The following KRT71 variants were observed in gnomAD, a reference collection of about 807,000 sequenced individuals.
KRT71 encodes keratin, type II cytoskeletal 71.
In KRT71, 42 loss-of-function variants were observed where a neutral mutation model predicts 46.2. That is an observed-to-expected ratio of 0.91 (90% CI 0.71 to 1.18). KRT71 has a LOEUF of 1.18. Among genes scored for constraint, KRT71 ranks in the 50% most tolerant of loss-of-function variants. The pLI, the probability that KRT71 is intolerant of heterozygous loss-of-function variation, is 0.00. For missense variants in KRT71, 708 were observed against 677.9 expected, an observed-to-expected ratio of 1.04 and a Z score of -0.49; for synonymous variants, 292 against 277.8, an observed-to-expected ratio of 1.05 and a Z score of -0.51.
intron 1 of KRT71, 141 bp downstream of exon 1, chr12:52,552,496 G>T: frequency 1.2e-6 from 1 of 845,780 alleles, no homozygotes; most frequent in Non-Finnish European, 1.8e-6. Flanking sequence ...AGGTCACCCT[G>T]TTGATGGGAT....
At position 52,552,215 on chromosome 12, in the gene KRT71, G is replaced by T. The variant is rs140739358; in HGVS notation, c.441+422C>A. Among the ~76,000 whole-genome samples the T allele has an allele frequency of 1.3e-5, 2 of 152,226 alleles. 1 individual carries two copies. Among genetic ancestry groups the T allele is most frequent in the South Asian group, 4.1e-4 (2 of 4,826 alleles). On this transcript the variant is annotated intron_variant, in intron 1 of 8. Coordinates refer to ENST00000267119, the MANE Select transcript of KRT71 (RefSeq NM_033448.3). ...AATGCCCAATCAGAGGGCCTGAAGC[G>T]GCCCCTTCCTGCTGCTCCTGATCCG...
chr12:52,552,523 C>A (rs547308404), intron 1 of KRT71, 114 bp downstream of exon 1: 1 of 1,098,318 alleles, frequency 9.1e-7, no homozygotes, highest in Non-Finnish European at 1.3e-6. Context: ...ACCTTGTCCA[C>A]AGTAAAGTCT....
In KRT71 at chr12:52,552,735, G is replaced by C; in HGVS notation, c.343C>G (p.Leu115Val). The C allele has an allele frequency of 6.2e-7, 1 of 1,613,906 alleles. No individual in the cohort carries two copies. The highest frequency in any genetic ancestry group is 8.5e-7 in the Non-Finnish European group (1 of 1,179,782). The change falls in exon 1 of 9, where the codon CTC becomes GTC. Residue 115 changes from leucine (L) to valine (V), a missense_variant. By Grantham distance (32) the Leu-to-Val change is conservative. Transcript: ENST00000267119. ...ATCTCGGGGTCCAGCTCCACGTTGA[G>C]GGGGGCCAGGAGGCTCTCATTGACG... ...VTVNESLLAP[L>V]NVELDPEIQK...
chr12:52,552,487 G>T, intron 1 of KRT71, 150 bp downstream of exon 1: 1 of 781,514 alleles, frequency 1.3e-6, no homozygotes, highest in Non-Finnish European at 2.0e-6. Context: ...ACCTTACACA[G>T]GTCACCCTGT....
rs970248310 is a variant in KRT71, at chr12:52,552,731, T to C, written c.347A>G (p.Asn116Ser). Residue 116 changes from asparagine to serine, a missense_variant, in exon 1 of 9, where the codon AAC becomes AGC. Coordinates refer to ENST00000267119, the MANE Select transcript of KRT71 (RefSeq NM_033448.3). ...TVNESLLAPL[N>S]VELDPEIQKV... Reference sequence around the variant, plus strand: ...CTGGATCTCGGGGTCCAGCTCCACGTTGAGGGGGGCCAGGAGGCTCTCATT... The same window carrying C: ...CTGGATCTCGGGGTCCAGCTCCACGCTGAGGGGGGCCAGGAGGCTCTCATT... The C allele has an allele frequency of 9.9e-6, 16 of 1,614,090 alleles. No homozygotes were observed. The highest frequency in any genetic ancestry group is 2.2e-5 in the South Asian group (2 of 91,076).
chr12:52,546,425 C>T lies in KRT71; in HGVS notation c.1186G>A (p.Glu396Lys), dbSNP rs1432985088. ...ALKDARAKLD[E>K]LEGALHQAKE... ...GCCTGGTGCAGGGCGCCCTCCAGCTCGTCCAGCTTGGCCCGGGCATCCTTC... is the reference window on the plus strand; with the variant it reads ...GCCTGGTGCAGGGCGCCCTCCAGCTTGTCCAGCTTGGCCCGGGCATCCTTC... Residue 396 changes from glutamate (E) to lysine (K), a missense_variant, in exon 7 of 9, where the codon GAG (glutamate) becomes AAG (lysine). Coordinates refer to ENST00000267119, the MANE Select transcript of KRT71 (RefSeq NM_033448.3). The T allele has an allele frequency of 5.0e-6, 8 of 1,614,086 alleles. No homozygotes were observed. The highest frequency in any genetic ancestry group is 1.7e-5 in the Admixed American group (1 of 60,014).
At position 52,545,582 on chromosome 12, in the gene KRT71, G is replaced by A. The variant is rs559836264; in HGVS notation, c.1343C>T (p.Pro448Leu). 7 of 1,556,152 alleles carry A rather than the reference G, an allele frequency of 4.5e-6. No homozygotes were observed. The South Asian group carries it at 8.0e-5, about 18-fold the overall frequency. Residue 448 changes from proline (P) to leucine (L), a missense_variant, in exon 8 of 9, where the codon CCC becomes CTC. By Grantham distance (98) the Pro-to-Leu change is moderately conservative. Coordinates refer to ENST00000267119, the MANE Select transcript of KRT71 (RefSeq NM_033448.3). ...SEECRMSGEF[P>L]SPVSISIISS... ...ATACTTACAGATGCTGACAGGGGAG[G>A]GAAATTCTCCTGACATCCTATTAAG... is the stretch of plus-strand genomic sequence containing the variant.
Position 52,547,966 on chromosome 12 carries a change from A to C in KRT71, c.995T>G (p.Leu332Arg). ...GTCGTCCCCATGCCTGCCAGCTGCC[A>C]GCTGAAGCTCTTGGAACTGGGGACC... ...LYQTKFQELQ[L>R]AAGRHGDDLK... Residue 332 changes from leucine to arginine, a missense_variant, in exon 6 of 9, where the codon CTG (leucine) becomes CGG (arginine). Physicochemically the swap from Leu to Arg is moderately radical, Grantham distance 102 (BLOSUM62 -2). Coordinates refer to ENST00000267119, the MANE Select transcript of KRT71 (RefSeq NM_033448.3). 4 of 1,613,836 alleles carry C rather than the reference A, an allele frequency of 2.5e-6. No individual in the cohort carries two copies. Among genetic ancestry groups the C allele is most frequent in the Non-Finnish European group, 3.4e-6 (4 of 1,179,930 alleles).
At chr12:52,549,744 A>T (rs764771268) in intron 2 of KRT71, among the ~76,000 whole-genome samples, 1 of 152,144 alleles carries the variant, frequency 6.6e-6, no homozygotes, top group Non-Finnish European at 1.5e-5. Context: ...CTCCTCTTAC[A>T]TGGGAGGAGA....
rs140270040 is a variant in KRT71 at position 52,552,654 on chromosome 12, C to A, written c.424G>T (p.Ala142Ser). 1.1e-5 allele frequency: 17 copies of A among 1,611,132 alleles called. No homozygotes were observed. Among genetic ancestry groups the A allele is most frequent in the Non-Finnish European group, 1.4e-5 (16 of 1,178,586 alleles). Residue 142 changes from alanine to serine, a missense_variant, in exon 1 of 9, where the codon GCC becomes TCC. Physicochemically the swap from Ala to Ser is moderately conservative, Grantham distance 99. Transcript: ENST00000267119. Reference protein sequence around the residue: ...EQIKALNNKFASFIDKVRFLE... With the variant: ...EQIKALNNKFSSFIDKVRFLE... ...AGACCCACCTTGTCGATGAAGGAGG[C>A]GAACTTGTTGTTCAGAGCCTTGATC...
intron 1 of KRT71, 68 bp from the exon 2 acceptor site, chr12:52,550,311 T>C: frequency 6.4e-7 from 1 of 1,572,640 alleles, no homozygotes; most frequent in Non-Finnish European, 8.7e-7. Flanking sequence ...TCACAGGGCA[T>C]TGTGTAAAGC....
In KRT71 at chr12:52,550,691, G is replaced by A. The variant is rs188191745; in HGVS notation, c.442-448C>T. Among the ~76,000 whole-genome samples the A allele has an allele frequency of 3.9e-5, 6 of 152,326 alleles. No homozygotes were observed. The East Asian group carries it at 7.7e-4, about 20-fold the overall frequency. On this transcript the variant is annotated intron_variant, in intron 1 of 8. Coordinates refer to ENST00000267119, the MANE Select transcript of KRT71 (RefSeq NM_033448.3). ...GGCTTCTAGGTATTTTAAATGCCTG[G>A]AGCAGGCACCAGCTTCATCTTTGCT...
At chr12:52,549,698 C>T (rs1400119633) in intron 2 of KRT71, among the ~76,000 whole-genome samples, 1 of 152,140 alleles carries the variant, frequency 6.6e-6, no homozygotes, top group Non-Finnish European at 1.5e-5. Context: ...CCTCAGTTAC[C>T]CTTGAGAGCA....
In KRT71 at chr12:52,546,482, C is replaced by T. The variant is rs762028080; in HGVS notation, c.1129G>A (p.Ala377Thr). Residue 377 changes from alanine (A) to threonine (T), a missense_variant, in exon 7 of 9, where the codon GCT (alanine) becomes ACT (threonine). Ala to Thr is a moderately conservative substitution (Grantham distance 58, BLOSUM62 0). Coordinates refer to ENST00000267119, the MANE Select transcript of KRT71 (RefSeq NM_033448.3). ...KQASNLETAI[A>T]DAEQRGDNAL... Reference sequence around the variant, plus strand: ...TTGTCTCCCCGCTGCTCAGCATCAGCGATGGCTGTCTCCAGGTTGGAAGCC... The same window carrying T: ...TTGTCTCCCCGCTGCTCAGCATCAGTGATGGCTGTCTCCAGGTTGGAAGCC... 4.9e-5 allele frequency: 79 copies of T among 1,614,120 alleles called. 1 individual carries two copies. The East Asian group carries it at 1.2e-3, about 25-fold the overall frequency.
intron 6 of KRT71, 128 bp from the exon 7 acceptor site, chr12:52,546,634 C>G (rs1169627997): frequency 1.1e-6 from 1 of 897,354 alleles, no homozygotes; most frequent in Non-Finnish European, 1.7e-6. Context: ...ATCACACTTC[C>G]TTGCAGCAGA....
chr12:52,552,143 C>G (rs1481540552), intron 1 of KRT71, among the ~76,000 whole-genome samples: 3 of 152,236 alleles, frequency 2.0e-5, no homozygotes, highest in Non-Finnish European at 4.4e-5. Flanking sequence ...TCCCCTTCCC[C>G]AGTGCCCTCT....
At chr12:52,549,265 C>G (rs533524536) in intron 3 of KRT71, 28 bp downstream of exon 3, 1 of 1,584,878 alleles carries the variant, frequency 6.3e-7, no homozygotes, top group Non-Finnish European at 8.7e-7. Context: ...GGCCAGCCCC[C>G]GGGACTCAGG....
chr12:52,548,562 C>T (rs888910097), intron 4 of KRT71, 139 bp downstream of exon 4: 34 of 832,276 alleles, frequency 4.1e-5, no homozygotes, highest in Non-Finnish European at 6.0e-5. Context: ...CTAGGAGCCT[C>T]GCAAGTCTGA....
At chr12:52,549,895 G>A in intron 2 of KRT71, 134 bp downstream of exon 2, 4 of 998,692 alleles carry the variant, frequency 4.0e-6, no homozygotes, top group Non-Finnish European at 6.0e-6. Context: ...GTTTTGTTGG[G>A]GTGATTCTGC....
Sources: gnomAD v4.1 joint callset for allele counts (sites outside exome capture counted in the v4.1 genomes callset) on GRCh38, gnomAD v4.1.1 for gene constraint, MANE v1.5 for transcripts, NCBI Gene and HGNC (gene_info 2026-07-23, HGNC 2026-07-21) for gene names.